The following PPIG variants were observed in gnomAD, a reference collection of about 807,000 sequenced individuals.
PPIG encodes peptidyl-prolyl cis-trans isomerase G.
In PPIG, 26 loss-of-function variants were observed where a neutral mutation model predicts 87.9. That is an observed-to-expected ratio of 0.30 (90% confidence interval 0.22 to 0.41). PPIG has a LOEUF of 0.41. Ranked by LOEUF, PPIG falls within the 10% of genes least tolerant of loss-of-function variation. The pLI, the probability that PPIG is intolerant of heterozygous loss-of-function variation, is 1.00. For missense variants in PPIG, 722 were observed against 879.4 expected (o/e 0.82, Z 2.26); for synonymous variants, 308 against 276.5 (o/e 1.11, Z -1.13).
intron 12 of PPIG, among the ~76,000 whole-genome samples, chr2:169,635,550 T>A (rs907808456): frequency 1.3e-5 from 2 of 152,218 alleles, no homozygotes; most frequent in African/African-American, 4.8e-5. Flanking sequence ...GAAAGCACAC[T>A]CATATATCTT....
At chr2:169,624,797 A>G (rs1185710332) in intron 9 of PPIG, among the ~76,000 whole-genome samples, 2 of 152,040 alleles carry the variant, frequency 1.3e-5, no homozygotes, top group South Asian at 2.1e-4. Flanking sequence ...TCACCATGTT[A>G]GCCAGGATGG....
chr2:169,606,532 C>T (rs527356357), intron 5 of PPIG, among the ~76,000 whole-genome samples: 256 of 131,090 alleles, frequency 2.0e-3, no homozygotes, highest in African/African-American at 6.9e-3. Flanking sequence ...GTGGAAGTTG[C>T]GGTGAGCTGA....
At chr2:169,620,008 A>G (rs138795821) in intron 9 of PPIG, among the ~76,000 whole-genome samples, 366 of 152,094 alleles carry the variant, frequency 2.4e-3, no homozygotes, top group African/African-American at 8.5e-3. Context: ...GTTTGCAAAT[A>G]TTTTCTCCCA....
rs1686185418 is a variant in PPIG, at chr2:169,636,578, A to G, written c.1320A>G (p.Arg440=). 2 of 1,597,838 alleles carry G rather than the reference A, an allele frequency of 1.3e-6. No individual in the cohort carries two copies. The highest frequency in any genetic ancestry group is 1.4e-5 in the African/African-American group (1 of 73,588). The change falls in exon 14 of 14, where the codon AGA becomes AGG. Residue 440 remains arginine, a synonymous_variant. Transcript: ENST00000260970. ...KSNSKERDIR[R]NSEKDDKYKN... ...ACAGCAAAGAGAGAGACATCAGAAG[A>G]AATTCAGAAAAAGATGACAAGTATA...
chr2:169,592,916 T>G (rs1305691151), intron 1 of PPIG, among the ~76,000 whole-genome samples: 1 of 152,206 alleles, frequency 6.6e-6, no homozygotes, highest in Non-Finnish European at 1.5e-5. Context: ...GCTGCTAATA[T>G]TAAAACATTT....
chr2:169,593,186 A>T (rs543155289), intron 1 of PPIG, among the ~76,000 whole-genome samples: 262 of 151,472 alleles, frequency 1.7e-3, no homozygotes, highest in African/African-American at 5.9e-3. Context: ...TTTATTATTT[A>T]TTTTATTTAT....
At chr2:169,606,777 TA>T (rs539701440) in intron 5 of PPIG, among the ~76,000 whole-genome samples, 216 of 152,198 alleles carry the variant, frequency 1.4e-3, no homozygotes, top group African/African-American at 4.8e-3. Context: ...TTTTTTATTG[TA>T]AAAATATCAA....
intron 5 of PPIG, among the ~76,000 whole-genome samples, chr2:169,606,569 ATGAC>A (rs1264109878): frequency 7.2e-6 from 1 of 139,768 alleles, no homozygotes; most frequent in Non-Finnish European, 1.5e-5. Flanking sequence ...TCCGGCCTGA[ATGAC>A]AGAGCAAGAC....
At chr2:169,602,734 A>C (rs1000391888) in intron 1 of PPIG, among the ~76,000 whole-genome samples, 1 of 152,204 alleles carries the variant, frequency 6.6e-6, no homozygotes, top group African/African-American at 2.4e-5. Context: ...AACTTTTCAG[A>C]TGAATAGTAA....
At chr2:169,604,331 T>TGG in intron 4 of PPIG, 70 bp downstream of exon 4, 3 of 534,544 alleles carry the variant, frequency 5.6e-6, no homozygotes, top group Non-Finnish European at 5.5e-6. Context: ...TGCTTGGTTT[T>TGG]TTTTTTTTTT....
intron 9 of PPIG, among the ~76,000 whole-genome samples, chr2:169,629,867 G>T (rs1685989646): frequency 6.6e-6 from 1 of 152,120 alleles, no homozygotes; most frequent in East Asian, 1.9e-4. Context: ...GTACCACAAA[G>T]GCAAGATAAA....
intron 9 of PPIG, among the ~76,000 whole-genome samples, chr2:169,627,110 T>A (rs369683624): frequency 1.3e-5 from 2 of 152,284 alleles, no homozygotes; most frequent in African/African-American, 4.8e-5. Context: ...TTTCATTTAT[T>A]TACTTTGAGG....
At chr2:169,601,271 C>T (rs891961591) in intron 1 of PPIG, among the ~76,000 whole-genome samples, 4 of 152,168 alleles carry the variant, frequency 2.6e-5, no homozygotes. Flanking sequence ...TACATTCTCA[C>T]TTATGCCTAT....
intron 12 of PPIG, 58 bp from the exon 13 acceptor site, chr2:169,636,034 C>G: frequency 1.5e-6 from 2 of 1,372,142 alleles, no homozygotes; most frequent in South Asian, 3.0e-5. Flanking sequence ...TCCCAGCACC[C>G]ATGCGAGTCC....
intron 7 of PPIG, among the ~76,000 whole-genome samples, chr2:169,610,552 A>G (rs1685457035): frequency 6.6e-6 from 1 of 151,852 alleles, no homozygotes; most frequent in Non-Finnish European, 1.5e-5. Flanking sequence ...AATACTGTGA[A>G]GTGTCTCTCC....
At chr2:169,617,230 G>C (rs1685627645) in intron 9 of PPIG, among the ~76,000 whole-genome samples, 1 of 152,054 alleles carries the variant, frequency 6.6e-6, no homozygotes, top group Non-Finnish European at 1.5e-5. Flanking sequence ...TATCCATTTT[G>C]GTACCAGTAC....
At chr2:169,624,418 G>T (rs1685830886) in intron 9 of PPIG, among the ~76,000 whole-genome samples, 1 of 152,080 alleles carries the variant, frequency 6.6e-6, no homozygotes, top group Non-Finnish European at 1.5e-5. Context: ...ACCAGAAATG[G>T]CCCAAGTTGA....
chr2:169,636,957 A>C lies in PPIG; in HGVS notation c.1699A>C (p.Arg567=), dbSNP rs1215534534. The C allele has an allele frequency of 1.9e-6, 3 of 1,614,052 alleles. No individual in the cohort carries two copies. The highest frequency in any genetic ancestry group is 2.5e-6 in the Non-Finnish European group (3 of 1,179,986). Residue 567 remains arginine, a synonymous_variant, in exon 14 of 14, where the codon AGA becomes CGA. Coordinates refer to ENST00000260970, the MANE Select transcript of PPIG (RefSeq NM_004792.3). The stretch of plus-strand genomic sequence containing the variant: ...TAATAGCAGAACAAGAGAACGAAGC[A>C]GAAGTAGGGACAGAAGCAGAAGAGT... ...SYNSRTRERS[R]SRDRSRRVRS...
intron 12 of PPIG, 45 bp from the exon 13 acceptor site, chr2:169,636,047 C>G: frequency 6.7e-7 from 1 of 1,501,882 alleles, no homozygotes; most frequent in Non-Finnish European, 9.0e-7. Flanking sequence ...GCGAGTCCCT[C>G]TATACTTCTA....
Sources: gnomAD v4.1 joint callset for allele counts (sites outside exome capture counted in the v4.1 genomes callset) on GRCh38, gnomAD v4.1.1 for gene constraint, MANE v1.5 for transcripts, NCBI Gene and HGNC (gene_info 2026-07-23, HGNC 2026-07-21) for gene names.